IL10RA: variants seen among roughly 807,000 people sequenced by gnomAD.
The protein encoded by IL10RA is interleukin-10 receptor subunit alpha.
In IL10RA, 18 loss-of-function variants were observed where a neutral mutation model predicts 29.6. The ratio of observed to expected loss-of-function variants is 0.61; its 90% CI spans 0.42 to 0.90. The LOEUF is 0.90. Ranked by LOEUF, IL10RA falls within the 40% of genes least tolerant of loss-of-function variation. The pLI is 0.00. For synonymous variants in IL10RA, 292 were observed against 294.1 expected (o/e 0.99, Z 0.07); for missense variants, 634 against 716.6 (o/e 0.88, Z 1.32).
At chr11:118,002,444 C>T (rs1377866654), downstream of IL10RA, 1 of 152,198 alleles carries the variant, frequency 6.6e-6, no homozygotes, top group East Asian at 1.9e-4. Flanking sequence ...GCCCTAGAGC[C>T]CTCCTTGTCA....
At chr11:117,988,099 T>C in intron 1 of IL10RA, 1 of 485,966 alleles carries the variant, frequency 2.1e-6, no homozygotes, top group Non-Finnish European at 3.8e-6. Flanking sequence ...TGCTTAGCCC[T>C]CGGCCCCTGC....
At chr11:117,990,019 G>A (rs540404969) in intron 3 of IL10RA, among the ~76,000 whole-genome samples, 1 of 152,270 alleles carries the variant, frequency 6.6e-6, no homozygotes, top group African/African-American at 2.4e-5. Flanking sequence ...ACACCCAGGG[G>A]TCATCCCTTT....
chr11:117,986,732 G>C, intron 1 of IL10RA, 198 bp downstream of exon 1: 1 of 1,533,434 alleles, frequency 6.5e-7, no homozygotes, highest in South Asian at 1.2e-5. Context: ...AGGAACTGAC[G>C]GATTGGGAAG....
Position 118,001,018 on chromosome 11 carries a change from T to C in IL10RA, c.*1377T>C, listed in dbSNP as rs1245715616. 8.8e-6 allele frequency: 4 copies of C among 454,124 alleles called. No homozygotes were observed. The highest frequency in any genetic ancestry group is 1.3e-5 in the Non-Finnish European group (3 of 226,800). 28.1% of individuals were successfully genotyped at this position (454,124 alleles called of 1,614,324 possible). On this transcript the variant is annotated 3_prime_UTR_variant, in exon 7 of 7. Coordinates refer to ENST00000227752, the MANE Select transcript of IL10RA (RefSeq NM_001558.4). ...GTGCCATCCAGAGTCATCTCAGCCC[T>C]GCCTTTCTCTGGAGCATTCTGAAAA... is the stretch of plus-strand genomic sequence containing the variant.
In IL10RA at chr11:117,989,935, A is replaced by G. The variant is rs2058011040; in HGVS notation, c.367+315A>G. On this transcript the variant is annotated intron_variant, in intron 3 of 6. Transcript: ENST00000227752. The surrounding 1 kb of genome is among the most constrained non-coding windows in gnomAD (Gnocchi z 4.5). ...GGGAGGGTTCAGGGAGAGGAAGCGAATCCATGAACACTCAGCATAGGGCAG... is the reference window on the plus strand; with the variant it reads ...GGGAGGGTTCAGGGAGAGGAAGCGAGTCCATGAACACTCAGCATAGGGCAG... 1.3e-5 allele frequency among the ~76,000 whole-genome samples: 2 copies of G among 152,094 alleles called. No homozygotes were observed. The highest frequency in any genetic ancestry group is 4.8e-5 in the African/African-American group (2 of 41,392).
Position 117,995,643 on chromosome 11 carries a change from G to C in IL10RA, c.743G>C (p.Gly248Ala). 6.2e-7 allele frequency: 1 copy of C among 1,614,132 alleles called. No homozygotes were observed. Among genetic ancestry groups the C allele is most frequent in the African/African-American group, 1.3e-5 (1 of 75,040 alleles). ...IFFAFVLLLSGALAYCLALQL... is the reference protein window; with the variant it reads ...IFFAFVLLLSAALAYCLALQL... Reference sequence around the variant, plus strand: ...TTTGCCTTTGTCCTGCTGCTCTCCGGAGCCCTCGCCTACTGCCTGGCCCTC... The same window carrying C: ...TTTGCCTTTGTCCTGCTGCTCTCCGCAGCCCTCGCCTACTGCCTGGCCCTC... Residue 248 changes from glycine to alanine, a missense_variant, in exon 6 of 7, where the codon GGA becomes GCA. Physicochemically the swap from Gly to Ala is moderately conservative, Grantham distance 60. Transcript: ENST00000227752.
chr11:117,993,103 A>G (rs2058033915), intron 3 of IL10RA, 138 bp from the exon 4 acceptor site: 2 of 745,492 alleles, frequency 2.7e-6, no homozygotes, highest in Non-Finnish European at 2.4e-6. Context: ...ATTCTGCTGC[A>G]TTGACAAACC....
chr11:117,999,424 C>T lies in IL10RA; in HGVS notation c.1520C>T (p.Ala507Val), dbSNP rs1204814680. The stretch of plus-strand genomic sequence containing the variant: ...CAGGATCCTCTAGAAATGACTCTGG[C>T]TTCCTCAGGGGCCCCAACGGGACAG... The part of the protein sequence containing the change: ...LKQDPLEMTL[A>V]SSGAPTGQWN... The change falls in exon 7 of 7, where the codon GCT becomes GTT. Residue 507 changes from alanine to valine, a missense_variant. Transcript: ENST00000227752. The T allele has an allele frequency of 3.1e-6, 5 of 1,614,246 alleles. No homozygotes were observed. The highest frequency in any genetic ancestry group is 4.2e-6 in the Non-Finnish European group (5 of 1,180,036).
chr11:118,001,021 C>G lies in IL10RA; in HGVS notation c.*1380C>G. On this transcript the variant is annotated 3_prime_UTR_variant, in exon 7 of 7. Transcript: ENST00000227752. ...CCATCCAGAGTCATCTCAGCCCTGC[C>G]TTTCTCTGGAGCATTCTGAAAACAG... The G allele has an allele frequency of 2.2e-6, 1 of 454,264 alleles. No individual in the cohort carries two copies. Among genetic ancestry groups the G allele is most frequent in the African/African-American group, 2.0e-5 (1 of 50,126 alleles). The allele number at this position is 454,264 out of a possible 1,614,324, so 28.1% of individuals were successfully genotyped here.
rs192483380 is a variant in IL10RA, at chr11:118,000,331, C to A, written c.*690C>A. On this transcript the variant is annotated 3_prime_UTR_variant, in exon 7 of 7. Coordinates refer to ENST00000227752, the MANE Select transcript of IL10RA (RefSeq NM_001558.4). ...CAGAACCCATCCCTCTGGTGGGTACCTCTGGCACCCATCTGCAAATATCTC... is the reference window on the plus strand; with the variant it reads ...CAGAACCCATCCCTCTGGTGGGTACATCTGGCACCCATCTGCAAATATCTC... The A allele has an allele frequency of 8.8e-6, 4 of 454,100 alleles. No homozygotes were observed. Among genetic ancestry groups the A allele is most frequent in the African/African-American group, 6.0e-5 (3 of 50,002 alleles). The allele number at this position is 454,100 out of a possible 1,614,324, so 28.1% of individuals were successfully genotyped here. A position where few individuals can be genotyped will look rare whatever the true frequency, so the allele number is the denominator to read the frequency against.
rs201972687 is a variant in IL10RA at position 117,989,531 on chromosome 11, G to A, written c.278G>A (p.Ser93Asn). Residue 93 changes from serine to asparagine, a missense_variant, in exon 3 of 7, where the codon AGC becomes AAC. Ser to Asn is a conservative substitution (Grantham distance 46). Coordinates refer to ENST00000227752, the MANE Select transcript of IL10RA (RefSeq NM_001558.4). This position sits in a 1 kb window ranked among gnomAD's most constrained non-coding sequence, Gnocchi z 4.5. ...LTAVTLDLYHSNGYRARVRAV... is the reference protein window; with the variant it reads ...LTAVTLDLYHNNGYRARVRAV... ...GCAGTGACCTTGGACCTGTACCACA[G>A]CAATGGCTACCGGGCCAGAGTGCGG... is the stretch of plus-strand genomic sequence containing the variant. 5 of 1,614,202 alleles carry A rather than the reference G, an allele frequency of 3.1e-6. No homozygotes were observed. Among genetic ancestry groups the A allele is most frequent in the East Asian group, 2.2e-5 (1 of 44,878 alleles).
intron 3 of IL10RA, among the ~76,000 whole-genome samples, chr11:117,990,710 T>C (rs4252255): frequency 3.5e-3 from 537 of 152,374 alleles, no homozygotes; most frequent in African/African-American, 0.012. Context: ...GAAATCATTA[T>C]ATTCTCTTCT....
At chr11:117,997,627 C>T (rs2058064626) in intron 6 of IL10RA, among the ~76,000 whole-genome samples, 1 of 152,184 alleles carries the variant, frequency 6.6e-6, no homozygotes, top group Non-Finnish European at 1.5e-5. Flanking sequence ...TACTGTGTGC[C>T]AGCTCAGTTT....
chr11:118,000,759 G>A lies in IL10RA; in HGVS notation c.*1118G>A, dbSNP rs1350822376. 3.5e-5 allele frequency: 16 copies of A among 454,170 alleles called. No homozygotes were observed. Among genetic ancestry groups the A allele is most frequent in the South Asian group, 1.7e-4 (11 of 64,486 alleles). 28.1% of individuals were successfully genotyped at this position (454,170 alleles called of 1,614,324 possible). A position where few individuals can be genotyped will look rare whatever the true frequency, so the allele number is the denominator to read the frequency against. On this transcript the variant is annotated 3_prime_UTR_variant, in exon 7 of 7. Coordinates refer to ENST00000227752, the MANE Select transcript of IL10RA (RefSeq NM_001558.4). ...TCCATGTTTGCTGGGTATTAGCCAA[G>A]CTGGTCCTGGGAGAATGCAGATACT...
chr11:117,988,520 G>A lies in IL10RA; in HGVS notation c.188+18G>A, dbSNP rs575184514. On this transcript the variant is annotated intron_variant, in intron 2 of 6. Coordinates refer to ENST00000227752, the MANE Select transcript of IL10RA (RefSeq NM_001558.4). ...CTCCTGAGGTGAGGAAAAGGGAAGA[G>A]GGAGGGGGAGGGAGGAGTGAATCCC... The A allele has an allele frequency of 1.1e-5, 18 of 1,613,298 alleles. No homozygotes were observed. Among genetic ancestry groups the A allele is most frequent in the Middle Eastern group, 3.3e-4 (2 of 6,060 alleles).
intron 6 of IL10RA, among the ~76,000 whole-genome samples, chr11:117,996,394 C>T (rs1454356034): frequency 6.6e-6 from 1 of 152,216 alleles, no homozygotes; most frequent in Non-Finnish European, 1.5e-5. Flanking sequence ...TTGTGGCAAG[C>T]CAGTCTCCAA....
intron 5 of IL10RA, 196 bp from the exon 6 acceptor site, chr11:117,995,393 G>C: frequency 1.5e-6 from 1 of 660,304 alleles, no homozygotes; most frequent in Non-Finnish European, 2.7e-6. Context: ...GAATCCTTCA[G>C]GGCATGGTTT....
chr11:117,988,341 GC>G (rs750443541), intron 1 of IL10RA, 40 bp from the exon 2 acceptor site: 8 of 1,612,982 alleles, frequency 5.0e-6, no homozygotes, highest in Admixed American at 1.7e-5. Context: ...ATCAATGCCT[GC>G]CCCCCCTCCC....
In IL10RA at chr11:117,999,919, T is replaced by A. The variant is rs1448489787; in HGVS notation, c.*278T>A. 1.6e-6 allele frequency: 1 copy of A among 629,988 alleles called. No homozygotes were observed. The highest frequency in any genetic ancestry group is 3.3e-5 in the East Asian group (1 of 30,756). 39.0% of individuals were successfully genotyped at this position (629,988 alleles called of 1,614,324 possible). On this transcript the variant is annotated 3_prime_UTR_variant, in exon 7 of 7. Coordinates refer to ENST00000227752, the MANE Select transcript of IL10RA (RefSeq NM_001558.4). The stretch of plus-strand genomic sequence containing the variant: ...GGCAGAGCTGAGAAGGGCAGGGACC[T>A]TCTCCCTCCTAGGAACTCTTTCCTG...
Sources: gnomAD v4.1 joint callset for allele counts (sites outside exome capture counted in the v4.1 genomes callset) on GRCh38, gnomAD v4.1.1 for gene constraint, Gnocchi (gnomAD v3.1) non-coding constraint, MANE v1.5 for transcripts, NCBI Gene and HGNC (gene_info 2026-07-23, HGNC 2026-07-21) for gene names.